The following TCF7L2 variants were observed in gnomAD, a reference collection of about 807,000 sequenced individuals.
TCF7L2 encodes transcription factor 7-like 2.
Under a neutral mutation model 77.9 loss-of-function variants are expected in TCF7L2, and 23 were observed. The ratio of observed to expected loss-of-function variants is 0.30; its 90% CI spans 0.21 to 0.42. TCF7L2 has a LOEUF of 0.42. TCF7L2 is among the 10% of genes least tolerant of loss of function. The pLI is 1.00. For missense variants in TCF7L2, 654 were observed against 793.1 expected (o/e 0.82, Z 2.11); for synonymous variants, 413 against 340.2 (o/e 1.21, Z -2.36).
chr10:113,069,881 C>T (rs1300973699), intron 5 of TCF7L2, among the ~76,000 whole-genome samples: 1 of 152,048 alleles, frequency 6.6e-6, no homozygotes, highest in African/African-American at 2.4e-5. Flanking sequence ...CTTTGGTGAG[C>T]GTAAGATAGC....
chr10:113,071,365 GGA>G (rs1398628084), intron 5 of TCF7L2, among the ~76,000 whole-genome samples: 1 of 152,114 alleles, frequency 6.6e-6, no homozygotes, highest in Non-Finnish European at 1.5e-5. Context: ...GGAGGACATG[GGA>G]GAGTTTTTGC....
chr10:113,101,697 G>T (rs1480293458), intron 5 of TCF7L2, among the ~76,000 whole-genome samples: 1 of 150,992 alleles, frequency 6.6e-6, no homozygotes, highest in Non-Finnish European at 1.5e-5. Flanking sequence ...CAAAAAATTA[G>T]CTGGGCATGG....
At chr10:113,100,235 A>G (rs1057212804) in intron 5 of TCF7L2, among the ~76,000 whole-genome samples, 3 of 152,260 alleles carry the variant, frequency 2.0e-5, no homozygotes, top group African/African-American at 7.2e-5. Flanking sequence ...TAGCAGAAGA[A>G]GAACGAAGTA....
At chr10:113,009,035 A>C (rs2046028494) in intron 4 of TCF7L2, among the ~76,000 whole-genome samples, 1 of 152,144 alleles carries the variant, frequency 6.6e-6, no homozygotes, top group Non-Finnish European at 1.5e-5. Context: ...TTCTGGGTTC[A>C]AGCGATCCTC....
At chr10:112,983,712 T>C (rs1217719909) in intron 4 of TCF7L2, among the ~76,000 whole-genome samples, 2 of 152,128 alleles carry the variant, frequency 1.3e-5, no homozygotes, top group Non-Finnish European at 2.9e-5. Flanking sequence ...CAGGAGACCT[T>C]TGGAAATTGT....
intron 4 of TCF7L2, among the ~76,000 whole-genome samples, chr10:113,019,737 G>T (rs1477962037): frequency 6.6e-6 from 1 of 152,068 alleles, no homozygotes; most frequent in African/African-American, 2.4e-5. Context: ...AGTGGTAAGT[G>T]GATGAGTGTT....
In TCF7L2 at chr10:113,146,093, T is replaced by A. The variant is rs755031431; in HGVS notation, c.871T>A (p.Ser291Thr). The stretch of plus-strand genomic sequence containing the variant: ...AGCTCTGACCGTCAATGCTTCCATG[T>A]CCAGGTGAGTTCCAAGAACCGGGGC... The change falls in exon 8 of 14, where the codon TCC becomes ACC. Residue 291 changes from serine to threonine, a missense_variant. Ser to Thr is a moderately conservative substitution (Grantham distance 58). This residue lies in a region of TCF7L2 where 179 missense variants were observed against 270.6 expected (regional missense o/e 0.66). Transcript: ENST00000627217. 3.7e-6 allele frequency: 6 copies of A among 1,613,862 alleles called. No homozygotes were observed. The highest frequency in any genetic ancestry group is 4.2e-6 in the Non-Finnish European group (5 of 1,179,934).
intron 5 of TCF7L2, among the ~76,000 whole-genome samples, chr10:113,123,645 T>A (rs969323592): frequency 3.9e-5 from 6 of 152,230 alleles, no homozygotes; most frequent in African/African-American, 1.4e-4. Flanking sequence ...TACGTTGATT[T>A]TTTTTAAAGT....
intron 5 of TCF7L2, among the ~76,000 whole-genome samples, chr10:113,104,519 T>C (rs1439218584): frequency 1.3e-5 from 2 of 152,190 alleles, no homozygotes; most frequent in Non-Finnish European, 2.9e-5. Context: ...CAGCCTCTTA[T>C]TTATCCTTTT....
intron 4 of TCF7L2, among the ~76,000 whole-genome samples, chr10:113,036,578 T>TAAAATATGATTTGGGGA (rs1249895320): frequency 1.2e-4 from 19 of 152,182 alleles, no homozygotes; most frequent in Admixed American, 1.0e-3. Context: ...AGACATATCA[T>TAAAATATGATTTGGGGA]AAAATATGAT....
chr10:112,974,687 C>T (rs1265316465), intron 4 of TCF7L2, among the ~76,000 whole-genome samples: 1 of 152,190 alleles, frequency 6.6e-6, no homozygotes, highest in African/African-American at 2.4e-5. Context: ...TCATGATCCA[C>T]CCACCTCGGC....
intron 5 of TCF7L2, among the ~76,000 whole-genome samples, chr10:113,135,105 A>C (rs985168637): frequency 5.9e-5 from 9 of 152,128 alleles, no homozygotes; most frequent in African/African-American, 1.9e-4. Flanking sequence ...TCGGGGTGAG[A>C]GGGGGACTAA....
Position 112,964,556 on chromosome 10 carries a change from C to T in TCF7L2, c.382C>T (p.Leu128Phe). 5 of 1,613,194 alleles carry T rather than the reference C, an allele frequency of 3.1e-6. No individual in the cohort carries two copies. The highest frequency in any genetic ancestry group is 4.2e-6 in the Non-Finnish European group (5 of 1,179,350). Reference sequence around the variant, plus strand: ...GCTTTGATTTGGTTTCTTTCTACAGCTCCATTTTCAGTCCGGCAGCACACA... The same window carrying T: ...GCTTTGATTTGGTTTCTTTCTACAGTTCCATTTTCAGTCCGGCAGCACACA... Residue 128 changes from leucine (L) to phenylalanine (F), a missense_variant and splice_region_variant, in exon 4 of 14, where the codon CTC becomes TTC. Transcript: ENST00000627217.
chr10:112,965,489 C>G (rs145293644), intron 4 of TCF7L2, among the ~76,000 whole-genome samples: 9 of 152,140 alleles, frequency 5.9e-5, no homozygotes, highest in African/African-American at 2.2e-4. Flanking sequence ...CTCTTGAAAC[C>G]GTTTGCTGTA....
intron 5 of TCF7L2, among the ~76,000 whole-genome samples, chr10:113,058,498 G>A (rs2055799582): frequency 6.6e-6 from 1 of 152,092 alleles, no homozygotes; most frequent in South Asian, 2.1e-4. Flanking sequence ...TCAGGTCCCC[G>A]AGGGCAACAT....
At chr10:112,958,221 T>C (rs971778746) in intron 3 of TCF7L2, among the ~76,000 whole-genome samples, 2 of 152,172 alleles carry the variant, frequency 1.3e-5, no homozygotes, top group African/African-American at 4.8e-5. Context: ...CTTTTTGTCA[T>C]GCAGTAGCCC....
intron 5 of TCF7L2, among the ~76,000 whole-genome samples, chr10:113,096,655 G>A (rs1490406325): frequency 6.6e-6 from 1 of 152,104 alleles, no homozygotes; most frequent in Non-Finnish European, 1.5e-5. Context: ...CTCTTCTGTG[G>A]GGGCCAAAAA....
chr10:112,973,191 C>A (rs1378486964), intron 4 of TCF7L2, among the ~76,000 whole-genome samples: 1 of 152,174 alleles, frequency 6.6e-6, no homozygotes. Flanking sequence ...GGAATCCACC[C>A]CCAGGGTGTC....
intron 5 of TCF7L2, among the ~76,000 whole-genome samples, chr10:113,041,926 TTC>T (rs144168958): frequency 6.7e-4 from 102 of 152,306 alleles, no homozygotes; most frequent in Non-Finnish European, 1.1e-3. Context: ...CTCTTCGTTG[TTC>T]TCTCTCTTTG....
Sources: gnomAD v4.1 joint callset for allele counts (sites outside exome capture counted in the v4.1 genomes callset) on GRCh38, gnomAD v4.1.1 for gene constraint, gnomAD v4.1.1 regional missense constraint, MANE v1.5 for transcripts, NCBI Gene and HGNC (gene_info 2026-07-23, HGNC 2026-07-21) for gene names.